BPIFB6: variants seen among roughly 807,000 people sequenced by gnomAD.
The protein encoded by BPIFB6 is BPI fold containing family B member 6, also known as BPI fold-containing family B member 6.
In BPIFB6, 47 loss-of-function variants were observed where a neutral mutation model predicts 54.7. The ratio of observed to expected loss-of-function variants is 0.86; its 90% CI spans 0.68 to 1.10. The LOEUF (loss-of-function observed/expected upper bound fraction) is 1.10. Ranked by LOEUF, BPIFB6 falls within the 50% of genes least tolerant of loss-of-function variation. The pLI, the probability that BPIFB6 is intolerant of heterozygous loss-of-function variation, is 0.00. For missense variants in BPIFB6, 603 were observed against 564.1 expected (o/e 1.07, Z -0.70); for synonymous variants, 255 against 225.9 (o/e 1.13, Z -1.16).
At chr20:33,033,431 T>C (rs974905509) in intron 2 of BPIFB6, 1 of 460,166 alleles carries the variant, frequency 2.2e-6, no homozygotes, top group Non-Finnish European at 4.4e-6. Context: ...TGGAAAGGCA[T>C]CAACAATCAT....
chr20:33,040,239 C>T lies in BPIFB6; in HGVS notation c.1075-12C>T, dbSNP rs1306487779. ...CCACTGCCTTCTCCCTGCTTCCTCC[C>T]CACCATGCCAGCACTTCAATCTGAA... is the stretch of plus-strand genomic sequence containing the variant. On this transcript the variant is annotated splice_polypyrimidine_tract_variant and intron_variant, in intron 10 of 14. Coordinates refer to ENST00000349552, the MANE Select transcript of BPIFB6 (RefSeq NM_174897.2). 1.9e-6 allele frequency: 3 copies of T among 1,613,740 alleles called. No individual in the cohort carries two copies. The highest frequency in any genetic ancestry group is 2.2e-5 in the East Asian group (1 of 44,900).
chr20:33,037,340 C>T (rs924361989), intron 7 of BPIFB6, among the ~76,000 whole-genome samples: 2 of 152,172 alleles, frequency 1.3e-5, no homozygotes, highest in East Asian at 1.9e-4. Flanking sequence ...AGAAAGTGCC[C>T]GTGGTTTAGT....
chr20:33,043,435 C>T, intron 14 of BPIFB6, 68 bp downstream of exon 14: 2 of 1,437,234 alleles, frequency 1.4e-6, no homozygotes, highest in East Asian at 2.3e-5. Context: ...GAGCAAGAGC[C>T]TACCTCTCTC....
At chr20:33,035,052 A>C (rs769618778) in intron 4 of BPIFB6, 29 bp from the exon 5 acceptor site, 39 of 1,611,978 alleles carry the variant, frequency 2.4e-5, no homozygotes, top group Non-Finnish European at 3.1e-5. Flanking sequence ...GCACCTGCCC[A>C]CCTATCCTCG....
intron 2 of BPIFB6, chr20:33,033,513 A>G (rs1979193663): frequency 4.4e-6 from 2 of 454,266 alleles, no homozygotes; most frequent in East Asian, 7.0e-5. Context: ...GCCTGAAACG[A>G]TGCACTTGGG....
intron 1 of BPIFB6, 98 bp from the exon 2 acceptor site, chr20:33,032,886 C>T (rs1354912032): frequency 1.9e-5 from 17 of 917,762 alleles, no homozygotes; most frequent in African/African-American, 4.9e-5. Context: ...TCTCTGCCAT[C>T]GTCCAGCCCA....
intron 2 of BPIFB6, chr20:33,033,628 T>A (rs756984546): frequency 4.4e-6 from 2 of 456,672 alleles, no homozygotes. Context: ...GTGTGCCACA[T>A]CTTTTGTTAC....
Position 33,039,373 on chromosome 20 carries a change from G to C in BPIFB6, c.927G>C (p.Lys309Asn). 1 of 1,613,288 alleles carries C rather than the reference G, an allele frequency of 6.2e-7. No homozygotes were observed. Among genetic ancestry groups the C allele is most frequent in the Non-Finnish European group, 8.5e-7 (1 of 1,179,758 alleles). ...PEVAVAYPKS[K>N]PLTTQIKIKK... Reference sequence around the variant, plus strand: ...TGGCTGTAGCTTATCCCAAGTCAAAGCCCTTGACGACCCAGATCAAGATAA... The same window carrying C: ...TGGCTGTAGCTTATCCCAAGTCAAACCCCTTGACGACCCAGATCAAGATAA... The change falls in exon 10 of 15, where the codon AAG becomes AAC. Residue 309 changes from lysine to asparagine, a missense_variant. Coordinates refer to ENST00000349552, the MANE Select transcript of BPIFB6 (RefSeq NM_174897.2).
rs563672833 is a variant in BPIFB6 at position 33,031,686 on chromosome 20, G to A, written c.39G>A (p.Leu13=). Residue 13 remains leucine (L), a synonymous_variant, in exon 1 of 15, where the codon CTG becomes CTA. Transcript: ENST00000349552. The part of the protein sequence containing the change: ...RILCLALCSL[L]TGTRADPGAL... ...TGTGCCTGGCACTCTGCAGCCTGCT[G>A]ACTGGCACGCGAGCTGACCCTGGGG... 241 of 1,614,110 alleles carry A rather than the reference G, an allele frequency of 1.5e-4. 2 individuals carry two copies. In the South Asian group the frequency reaches 2.3e-3, roughly 15 times the overall value.
At chr20:33,039,867 G>A (rs748273235) in intron 10 of BPIFB6, among the ~76,000 whole-genome samples, 13 of 152,236 alleles carry the variant, frequency 8.5e-5, no homozygotes, top group Non-Finnish European at 1.9e-4. Context: ...GCTGAGCTAT[G>A]TTTTGAAGGT....
At chr20:33,041,736 C>T (rs1051221651) in intron 11 of BPIFB6, among the ~76,000 whole-genome samples, 1 of 152,138 alleles carries the variant, frequency 6.6e-6, no homozygotes, top group African/African-American at 2.4e-5. Flanking sequence ...AGAGTCAGGA[C>T]CAGTCTAGTG....
At chr20:33,040,431 G>T (rs1253749194) in intron 11 of BPIFB6, 113 bp downstream of exon 11, 1 of 927,230 alleles carries the variant, frequency 1.1e-6, no homozygotes, top group East Asian at 2.6e-5. Context: ...CAACTACCAG[G>T]CTGCTCTAGC....
intron 2 of BPIFB6, chr20:33,033,287 A>T (rs557479895): frequency 1.4e-5 from 9 of 665,482 alleles, no homozygotes; most frequent in Admixed American, 2.1e-5. Flanking sequence ...CACTGGGGAC[A>T]ATTTCTGCTT....
rs1274032075 is a variant in BPIFB6, at chr20:33,038,976, C to G, written c.900+14C>G. Reference sequence around the variant, plus strand: ...TTCATTCCTGAAGTGAGTGCCCCACCTCCCCATCACCACTGCACCCTGTCC... The same window carrying G: ...TTCATTCCTGAAGTGAGTGCCCCACGTCCCCATCACCACTGCACCCTGTCC... On this transcript the variant is annotated intron_variant, in intron 9 of 14. Coordinates refer to ENST00000349552, the MANE Select transcript of BPIFB6 (RefSeq NM_174897.2). 1.2e-6 allele frequency: 2 copies of G among 1,613,770 alleles called. No homozygotes were observed. The highest frequency in any genetic ancestry group is 1.7e-6 in the Non-Finnish European group (2 of 1,179,864).
chr20:33,042,142 G>A, intron 12 of BPIFB6, 127 bp downstream of exon 12: 1 of 905,420 alleles, frequency 1.1e-6, no homozygotes, highest in Admixed American at 2.1e-5. Context: ...TGTGAGGCGT[G>A]GCGCACCTGA....
chr20:33,043,495 C>T, intron 14 of BPIFB6, 128 bp downstream of exon 14: 2 of 821,386 alleles, frequency 2.4e-6, no homozygotes, highest in Admixed American at 4.1e-5. Context: ...CAATATAATC[C>T]TGCCCCTCAG....
intron 1 of BPIFB6, among the ~76,000 whole-genome samples, chr20:33,032,765 C>T (rs1011344339): frequency 1.3e-5 from 2 of 152,234 alleles, no homozygotes; most frequent in African/African-American, 4.8e-5. Flanking sequence ...CCTTCCCCAG[C>T]TCTTCTCTTC....
chr20:33,040,694 C>T (rs575518786), intron 11 of BPIFB6, among the ~76,000 whole-genome samples: 2 of 152,346 alleles, frequency 1.3e-5, no homozygotes, highest in African/African-American at 2.4e-5. Flanking sequence ...TTTCCTTATA[C>T]TAATAGCAGC....
chr20:33,041,550 C>T (rs974221986), intron 11 of BPIFB6, among the ~76,000 whole-genome samples: 2 of 152,216 alleles, frequency 1.3e-5, no homozygotes, highest in Admixed American at 6.5e-5. Context: ...CATCACATGG[C>T]CTGTTCTGGT....
Sources: gnomAD v4.1 joint callset for allele counts (sites outside exome capture counted in the v4.1 genomes callset) on GRCh38, gnomAD v4.1.1 for gene constraint, MANE v1.5 for transcripts, NCBI Gene and HGNC (gene_info 2026-07-23, HGNC 2026-07-21) for gene names.